NEGR1: variants seen among roughly 807,000 people sequenced by gnomAD.
NEGR1 encodes the protein neuronal growth regulator 1.
Under a neutral mutation model 40.9 loss-of-function variants are expected in NEGR1, and 10 were observed. The observed-to-expected ratio is 0.24, with a 90% CI of 0.15 to 0.42. The LOEUF is 0.42. Ranked by LOEUF, NEGR1 falls within the 10% of genes least tolerant of loss-of-function variation. The pLI, the probability that NEGR1 is intolerant of heterozygous loss-of-function variation, is 1.00. For synonymous variants in NEGR1, 185 were observed against 166.8 expected (o/e 1.11, Z -0.84); for missense variants, 352 against 438.9 (o/e 0.80, Z 1.77).
chr1:72,173,443 G>T (rs1350271073), intron 1 of NEGR1, among the ~76,000 whole-genome samples: 1 of 151,194 alleles, frequency 6.6e-6, no homozygotes, highest in African/African-American at 2.4e-5. Context: ...CACCTCGAAT[G>T]AAACAATCAT....
intron 1 of NEGR1, among the ~76,000 whole-genome samples, chr1:72,148,178 C>A (rs965540004): frequency 1.2e-4 from 18 of 152,138 alleles, no homozygotes; most frequent in East Asian, 1.9e-4. Flanking sequence ...GAGGACCCCG[C>A]CCCTGCAGCA....
intron 3 of NEGR1, among the ~76,000 whole-genome samples, chr1:71,770,638 A>G (rs545476140): frequency 1.3e-5 from 2 of 152,328 alleles, no homozygotes; most frequent in Admixed American, 6.5e-5. Flanking sequence ...GGTTCATGTC[A>G]TAAGGACACA....
intron 6 of NEGR1, among the ~76,000 whole-genome samples, chr1:71,490,771 G>A (rs145983510): frequency 1.1e-3 from 173 of 152,088 alleles, no homozygotes; most frequent in African/African-American, 3.6e-3. Flanking sequence ...TGGAAAGCCC[G>A]TAACTGCAGA....
At chr1:72,158,901 A>G (rs1279681198) in intron 1 of NEGR1, among the ~76,000 whole-genome samples, 3 of 152,202 alleles carry the variant, frequency 2.0e-5, no homozygotes, top group African/African-American at 7.2e-5. Flanking sequence ...ACATTTTGTA[A>G]GAAGAATTCA....
At chr1:71,962,830 G>C (rs1254154031) in intron 1 of NEGR1, among the ~76,000 whole-genome samples, 1 of 149,254 alleles carries the variant, frequency 6.7e-6, no homozygotes, top group African/African-American at 2.5e-5. Context: ...AAAAAAAGAT[G>C]AGTCACATAA....
intron 6 of NEGR1, among the ~76,000 whole-genome samples, chr1:71,446,495 A>G (rs1646583528): frequency 6.6e-6 from 1 of 152,174 alleles, no homozygotes; most frequent in South Asian, 2.1e-4. Context: ...GCACAATACT[A>G]TTGAGAAAGG....
chr1:71,746,479 C>T (rs922745458), intron 3 of NEGR1, among the ~76,000 whole-genome samples: 6 of 152,024 alleles, frequency 3.9e-5, no homozygotes, highest in Non-Finnish European at 5.9e-5. Context: ...TTAAAAATCA[C>T]ATTTTTGAGT....
At chr1:72,260,894 A>C (rs1240725527) in intron 1 of NEGR1, among the ~76,000 whole-genome samples, 3 of 152,070 alleles carry the variant, frequency 2.0e-5, no homozygotes, top group African/African-American at 7.2e-5. Flanking sequence ...CAAAATATAA[A>C]CAATTGTTGA....
intron 1 of NEGR1, among the ~76,000 whole-genome samples, chr1:71,979,889 C>A (rs889407052): frequency 6.6e-6 from 1 of 151,976 alleles, no homozygotes; most frequent in Admixed American, 6.6e-5. Flanking sequence ...CCTTATGCAA[C>A]CAGAGAAATT....
chr1:72,249,306 A>C (rs975222670), intron 1 of NEGR1, among the ~76,000 whole-genome samples: 1 of 152,208 alleles, frequency 6.6e-6, no homozygotes, highest in African/African-American at 2.4e-5. Flanking sequence ...GTTAGAAATA[A>C]ATTTCTGCTA....
intron 4 of NEGR1, among the ~76,000 whole-genome samples, chr1:71,692,014 G>A (rs916924121): frequency 3.3e-5 from 5 of 151,536 alleles, no homozygotes; most frequent in South Asian, 2.1e-4. Context: ...AGCACCTTAC[G>A]ATTGGTTTAT....
intron 6 of NEGR1, among the ~76,000 whole-genome samples, chr1:71,490,767 G>T (rs915968097): frequency 1.3e-5 from 2 of 151,998 alleles, no homozygotes; most frequent in Admixed American, 1.3e-4. Context: ...TGCATGGAAA[G>T]CCCGTAACTG....
At chr1:71,559,849 A>G (rs1298552417) in intron 6 of NEGR1, among the ~76,000 whole-genome samples, 4 of 141,662 alleles carry the variant, frequency 2.8e-5, no homozygotes, top group Admixed American at 1.4e-4. Context: ...AAAAAAAAAA[A>G]TCTTCAGGAA....
intron 3 of NEGR1, among the ~76,000 whole-genome samples, chr1:71,745,206 G>C (rs553331377): frequency 6.6e-6 from 1 of 152,238 alleles, no homozygotes; most frequent in East Asian, 1.9e-4. Context: ...GCCTACTGCT[G>C]TATCGACTAT....
intron 6 of NEGR1, among the ~76,000 whole-genome samples, chr1:71,576,753 G>C (rs1648977813): frequency 6.6e-6 from 1 of 152,228 alleles, no homozygotes; most frequent in Admixed American, 6.5e-5. Flanking sequence ...TGTAAGTGAT[G>C]TCTACAGATT....
At chr1:71,953,652 A>G (rs1468628345) in intron 1 of NEGR1, among the ~76,000 whole-genome samples, 1 of 152,002 alleles carries the variant, frequency 6.6e-6, no homozygotes, top group Non-Finnish European at 1.5e-5. Context: ...GAGTCAATCA[A>G]TGTAGCCAAC....
At chr1:71,779,775 G>A (rs1229351100) in intron 2 of NEGR1, among the ~76,000 whole-genome samples, 2 of 151,812 alleles carry the variant, frequency 1.3e-5, no homozygotes, top group East Asian at 3.9e-4. Flanking sequence ...TGCCACATTG[G>A]CCAGGCTGCT....
At chr1:72,081,929 G>A (rs1429136088) in intron 1 of NEGR1, among the ~76,000 whole-genome samples, 1 of 152,062 alleles carries the variant, frequency 6.6e-6, no homozygotes, top group Admixed American at 6.6e-5. Flanking sequence ...ACTGTATCAA[G>A]TTATTTAGTC....
chr1:71,535,739 G>C (rs1647491129), intron 6 of NEGR1, among the ~76,000 whole-genome samples: 1 of 151,698 alleles, frequency 6.6e-6, no homozygotes, highest in South Asian at 2.1e-4. Flanking sequence ...GCTACAGGCA[G>C]TAGATGATGA....
Sources: gnomAD v4.1 joint callset for allele counts (sites outside exome capture counted in the v4.1 genomes callset) on GRCh38, gnomAD v4.1.1 for gene constraint, MANE v1.5 for transcripts, NCBI Gene and HGNC (gene_info 2026-07-23, HGNC 2026-07-21) for gene names.